DSCAM: variants seen among roughly 807,000 people sequenced by gnomAD.
DSCAM encodes the protein cell adhesion molecule DSCAM.
A neutral mutation model predicts 217.7 loss-of-function variants in DSCAM; 47 were observed. The observed-to-expected ratio is 0.22, with a 90% CI of 0.17 to 0.28. The LOEUF (loss-of-function observed/expected upper bound fraction) is 0.28, where lower values mean the gene tolerates loss of function less well. Ranked by LOEUF, DSCAM falls within the 10% of genes least tolerant of loss-of-function variation. The pLI is 1.00. For missense variants in DSCAM, 2,080 were observed against 2,618.3 expected (o/e 0.79, Z 4.49); for synonymous variants, 1,056 against 1,015.3 (o/e 1.04, Z -0.76).
At chr21:40,036,004 G>T (rs879062179) in intron 32 of DSCAM, among the ~76,000 whole-genome samples, 2 of 139,446 alleles carry the variant, frequency 1.4e-5, no homozygotes, top group Admixed American at 1.4e-4. Flanking sequence ...TCTCTGGGAC[G>T]CATTCAAAGC....
In DSCAM at chr21:40,682,650, AAGGG is replaced by A. The variant is rs1299211880; in HGVS notation, c.508+10156_508+10159del. Among the ~76,000 whole-genome samples, 145 of 59,932 alleles carry A rather than the reference AAGGG, an allele frequency of 2.4e-3. 20 individuals are homozygous for A. The highest frequency in any genetic ancestry group is 6.9e-3 in the Middle Eastern group (1 of 144). 39.3% of individuals were successfully genotyped at this position (59,932 alleles called of 152,430 possible). A position where few individuals can be genotyped will look rare whatever the true frequency, so the allele number is the denominator to read the frequency against. On this transcript the variant is annotated intron_variant, in intron 3 of 32. Transcript: ENST00000400454. ...AAGAGAGAGAAAGAAAGAGGAAGGGAAGGGAAGGGAGCGGAGGGGGAGGGGAGGG... is the reference window on the plus strand; with the variant it reads ...AAGAGAGAGAAAGAAAGAGGAAGGGAAAGGGAGCGGAGGGGGAGGGGAGGG...
chr21:40,080,004 A>G, intron 25 of DSCAM, 148 bp downstream of exon 25: 1 of 683,892 alleles, frequency 1.5e-6, no homozygotes, highest in Non-Finnish European at 2.4e-6. Flanking sequence ...TGTCCCTCTC[A>G]TTATGCCGTG....
rs558914151 is a variant in DSCAM at position 40,330,147 on chromosome 21, T to TA, written c.1783+7953dup. Among the ~76,000 whole-genome samples the TA allele has an allele frequency of 3.4e-3, 518 of 151,404 alleles. 2 individuals carry two copies. The highest frequency in any genetic ancestry group is 0.012 in the African/African-American group (494 of 41,402). ...CACAGGAAATACGTATCACTTTATT[T>TA]AAAATGTAAATACATATTATTTTAT... On this transcript the variant is annotated intron_variant, in intron 8 of 32. Transcript: ENST00000400454.
At chr21:40,359,525 A>G (rs1047099616) in intron 4 of DSCAM, among the ~76,000 whole-genome samples, 8 of 152,354 alleles carry the variant, frequency 5.3e-5, no homozygotes, top group Middle Eastern at 6.8e-3. Context: ...TTAGGTACAA[A>G]TGTCCATAGC....
chr21:40,328,789 C>G (rs2075196747), intron 8 of DSCAM, among the ~76,000 whole-genome samples: 1 of 151,942 alleles, frequency 6.6e-6, no homozygotes, highest in Non-Finnish European at 1.5e-5. Context: ...TCAAACAATG[C>G]AATAGCAAGA....
At chr21:40,107,771 C>T (rs451518) in intron 20 of DSCAM, among the ~76,000 whole-genome samples, 135,502 of 152,126 alleles carry the variant, frequency 0.89, 60,585 homozygotes, top group Middle Eastern at 0.96. Flanking sequence ...ATGATGTAAA[C>T]TTAGGACAGT....
chr21:40,205,388 A>G (rs575902075), intron 11 of DSCAM, among the ~76,000 whole-genome samples: 51 of 152,286 alleles, frequency 3.3e-4, no homozygotes, highest in African/African-American at 1.2e-3. Flanking sequence ...AGATCATCTG[A>G]GGTCAGGAGT....
intron 27 of DSCAM, among the ~76,000 whole-genome samples, chr21:40,066,233 A>G (rs1425634661): frequency 6.6e-6 from 1 of 152,208 alleles, no homozygotes; most frequent in African/African-American, 2.4e-5. Flanking sequence ...TCCCTGATCC[A>G]TAGTGAAGCT....
At chr21:40,214,453 T>C (rs910149929) in intron 11 of DSCAM, among the ~76,000 whole-genome samples, 9 of 152,208 alleles carry the variant, frequency 5.9e-5, no homozygotes, top group African/African-American at 2.2e-4. Flanking sequence ...TGATGGAATA[T>C]AGGCATTGTT....
intron 3 of DSCAM, among the ~76,000 whole-genome samples, chr21:40,595,317 G>A (rs1371276192): frequency 6.6e-6 from 1 of 151,908 alleles, no homozygotes; most frequent in Admixed American, 6.6e-5. Flanking sequence ...GATCAAGGCT[G>A]CAGTGAGCCC....
intron 3 of DSCAM, among the ~76,000 whole-genome samples, chr21:40,684,497 C>G: frequency 7.5e-6 from 1 of 132,526 alleles, no homozygotes; most frequent in South Asian, 2.6e-4. Context: ...AGCAACCCAT[C>G]TGCTTAAGGA....
chr21:40,364,597 GCA>G (rs2074808311), intron 4 of DSCAM, among the ~76,000 whole-genome samples: 1 of 151,190 alleles, frequency 6.6e-6, no homozygotes, highest in African/African-American at 2.4e-5. Context: ...GTTAATGGGT[GCA>G]GCACACCAAC....
At position 40,434,596 on chromosome 21, in the gene DSCAM, C is replaced by T. The variant is rs555103840; in HGVS notation, c.509-65351G>A. ...CATTATGCTAGGAAAACAAGGTGAG[C>T]AATTTTCCTAATCAGGCCATCAGGT... On this transcript the variant is annotated intron_variant, in intron 3 of 32. Coordinates refer to ENST00000400454, the MANE Select transcript of DSCAM (RefSeq NM_001389.5). 4.3e-3 allele frequency among the ~76,000 whole-genome samples: 648 copies of T among 152,146 alleles called. 3 individuals carry two copies. Among genetic ancestry groups the T allele is most frequent in the African/African-American group, 0.015 (613 of 41,508 alleles).
chr21:40,399,790 A>C (rs772786182), intron 3 of DSCAM, among the ~76,000 whole-genome samples: 2 of 152,218 alleles, frequency 1.3e-5, no homozygotes, highest in Non-Finnish European at 2.9e-5. Context: ...GTGCATTATA[A>C]ACGTTGACTC....
At chr21:40,530,961 C>T (rs1409159687) in intron 3 of DSCAM, among the ~76,000 whole-genome samples, 1 of 147,946 alleles carries the variant, frequency 6.8e-6, no homozygotes. Flanking sequence ...ATCCATCCAT[C>T]CAACCATCCA....
chr21:40,762,408 C>T (rs2091344893), intron 1 of DSCAM, among the ~76,000 whole-genome samples: 2 of 152,104 alleles, frequency 1.3e-5, no homozygotes, highest in Admixed American at 6.6e-5. Context: ...CAAGACTAAA[C>T]AAGGAAGAAG....
intron 3 of DSCAM, among the ~76,000 whole-genome samples, chr21:40,432,387 C>A (rs1043576750): frequency 4.0e-5 from 6 of 151,786 alleles, no homozygotes; most frequent in Middle Eastern, 3.2e-3. Context: ...ACTCAGATCT[C>A]CACTTCCTTC....
chr21:40,650,404 C>T (rs1404258317), intron 3 of DSCAM, among the ~76,000 whole-genome samples: 1 of 152,078 alleles, frequency 6.6e-6, no homozygotes, highest in African/African-American at 2.4e-5. Context: ...TAAGAGATGC[C>T]CAGATAACTG....
Position 40,171,196 on chromosome 21 carries a change from A to G in DSCAM, c.2948-3908T>C, listed in dbSNP as rs545525818. Among the ~76,000 whole-genome samples, 225 of 152,214 alleles carry G rather than the reference A, an allele frequency of 1.5e-3. 1 individual carries two copies. The highest frequency in any genetic ancestry group is 5.2e-3 in the African/African-American group (216 of 41,514). On this transcript the variant is annotated intron_variant, in intron 15 of 32. Transcript: ENST00000400454. ...AGGTTCAAGCTATTCTCCTGCTTCAATCTCCCAAGTAGTTGGGATTACAGG... is the reference window on the plus strand; with the variant it reads ...AGGTTCAAGCTATTCTCCTGCTTCAGTCTCCCAAGTAGTTGGGATTACAGG...
Sources: allele counts gnomAD v4.1 joint callset (sites outside exome capture counted in the v4.1 genomes callset), GRCh38; gene constraint gnomAD v4.1.1; transcripts MANE v1.5; gene names NCBI Gene and HGNC (gene_info 2026-07-23, HGNC 2026-07-21).